Variants in CRB1 observed in about 807,000 individuals in gnomAD.
The protein encoded by CRB1 is protein crumbs homolog 1.
In CRB1, 83 loss-of-function variants were observed where a neutral mutation model predicts 120.0. That is an observed-to-expected ratio of 0.69 (90% CI 0.58 to 0.83). The LOEUF is 0.83. Ranked by LOEUF, CRB1 falls within the 40% of genes least tolerant of loss-of-function variation. The pLI is 0.00. For synonymous variants in CRB1, 625 were observed against 612.5 expected, an observed-to-expected ratio of 1.02 and a Z score of -0.30; for missense variants, 1,699 against 1,687.6, an observed-to-expected ratio of 1.01 and a Z score of -0.12.
At chr1:197,470,496 G>A (rs1666935716) in intron 11 of CRB1, among the ~76,000 whole-genome samples, 1 of 152,186 alleles carries the variant, frequency 6.6e-6, no homozygotes, top group South Asian at 2.1e-4. Context: ...AATTTACAAA[G>A]CATAATGAAA....
chr1:197,328,470 A>G lies in CRB1; in HGVS notation c.119A>G (p.Gln40Arg), dbSNP rs761295842. 2 of 1,614,224 alleles carry G rather than the reference A, an allele frequency of 1.2e-6. No individual in the cohort carries two copies. Among genetic ancestry groups the G allele is most frequent in the South Asian group, 1.1e-5 (1 of 91,080 alleles). The change falls in exon 2 of 12, where the codon CAA becomes CGA. Residue 40 changes from glutamine (Q) to arginine (R), a missense_variant. By Grantham distance (43) the Gln-to-Arg change is conservative. Coordinates refer to ENST00000367400, the MANE Select transcript of CRB1 (RefSeq NM_201253.3). ...NNTRCLSNSC[Q>R]NNSTCKDFSK... ...ACCAGGTGCCTCTCAAATTCTTGCC[A>G]AAACAATTCTACATGCAAAGATTTT...
chr1:197,285,753 G>A lies in CRB1; in HGVS notation c.70+17271G>A, dbSNP rs74799205. ...AGTGGAGCACAGGTGGATGACTCAG[G>A]AGACTAAGCTCCTTCTCCCATATTT... On this transcript the variant is annotated intron_variant, in intron 1 of 11. Transcript: ENST00000367400. Among the ~76,000 whole-genome samples, 160 of 152,016 alleles carry A rather than the reference G, an allele frequency of 1.1e-3. 2 individuals are homozygous for A. The East Asian group carries it at 0.022, about 21-fold the overall frequency.
At chr1:197,233,320 A>G in the CRB1 span, among the ~76,000 whole-genome samples, 1 of 152,206 alleles carries the variant, frequency 6.6e-6, no homozygotes. Flanking sequence ...CCTAATTGCA[A>G]TTGCCATACC....
chr1:197,389,507 A>C lies in CRB1; in HGVS notation c.1172-31493A>C, dbSNP rs537877027. ...AGTAGTTAATTTCATAGAGTCAGAA[A>C]TTAGAATGGCGACTGCCAGGGGCTG... On this transcript the variant is annotated intron_variant, in intron 5 of 11. Coordinates refer to ENST00000367400, the MANE Select transcript of CRB1 (RefSeq NM_201253.3). Among the ~76,000 whole-genome samples, 40 of 152,260 alleles carry C rather than the reference A, an allele frequency of 2.6e-4. 1 individual carries two copies. The Middle Eastern group carries it at 0.01, about 39-fold the overall frequency.
chr1:197,463,368 C>A (rs1043355628), intron 11 of CRB1, among the ~76,000 whole-genome samples: 1 of 152,038 alleles, frequency 6.6e-6, no homozygotes, highest in South Asian at 2.1e-4. Context: ...CCAAAAAAAA[C>A]AAAACACACA....
chr1:197,265,286 T>G (rs1479084961), upstream of CRB1, among the ~76,000 whole-genome samples: 1 of 151,940 alleles, frequency 6.6e-6, no homozygotes, highest in Non-Finnish European at 1.5e-5. Context: ...TTCCCTTCCT[T>G]CCTCTCTCCT....
At chr1:197,286,359 G>A (rs559452753) in intron 1 of CRB1, among the ~76,000 whole-genome samples, 9 of 151,860 alleles carry the variant, frequency 5.9e-5, no homozygotes, top group East Asian at 2.0e-4. Context: ...TTAAAATAGC[G>A]CACAATTATT....
intron 1 of CRB1, among the ~76,000 whole-genome samples, chr1:197,300,607 A>G (rs776365952): frequency 3.3e-5 from 5 of 150,510 alleles, no homozygotes; most frequent in Non-Finnish European, 4.4e-5. Flanking sequence ...ATAACATAAG[A>G]GTGCAAGGTG....
intron 1 of CRB1, among the ~76,000 whole-genome samples, chr1:197,290,867 T>A (rs1764620): frequency 0.019 from 2,833 of 151,966 alleles, 98 homozygotes; most frequent in African/African-American, 0.065. Flanking sequence ...ACAATTTCCA[T>A]GCTTTTGCAG....
At chr1:197,405,632 G>A (rs113605888) in intron 5 of CRB1, among the ~76,000 whole-genome samples, 38,912 of 149,868 alleles carry the variant, frequency 0.26, 5,267 homozygotes, top group Middle Eastern at 0.38. Context: ...AGGAAGTGAG[G>A]AGTGTCTCTG....
the CRB1 span, among the ~76,000 whole-genome samples, chr1:197,217,394 T>C: frequency 6.6e-6 from 1 of 152,158 alleles, no homozygotes; most frequent in Non-Finnish European, 1.5e-5. Context: ...GTATTATTCA[T>C]AGCAGCCTCA....
At chr1:197,346,857 A>G (rs950995084) in intron 3 of CRB1, among the ~76,000 whole-genome samples, 4 of 152,234 alleles carry the variant, frequency 2.6e-5, no homozygotes, top group African/African-American at 7.2e-5. Flanking sequence ...TGAGTTTTTC[A>G]TAATTTATGG....
At chr1:197,228,190 C>T in the CRB1 span, among the ~76,000 whole-genome samples, 1 of 152,210 alleles carries the variant, frequency 6.6e-6, no homozygotes, top group Non-Finnish European at 1.5e-5. Flanking sequence ...ACATTTGGCT[C>T]CTTGTTACTT....
At chr1:197,235,600 A>G in the CRB1 span, among the ~76,000 whole-genome samples, 10 of 152,190 alleles carry the variant, frequency 6.6e-5, no homozygotes, top group East Asian at 5.8e-4. Flanking sequence ...TTAATCAGCC[A>G]TCAGCGAAAC....
At chr1:197,405,149 C>T (rs1415505660) in intron 5 of CRB1, among the ~76,000 whole-genome samples, 1 of 152,102 alleles carries the variant, frequency 6.6e-6, no homozygotes, top group Non-Finnish European at 1.5e-5. Context: ...TGTACTGCTG[C>T]CATCTCGGCT....
intron 4 of CRB1, among the ~76,000 whole-genome samples, chr1:197,354,454 T>C (rs1238107241): frequency 1.3e-5 from 2 of 152,164 alleles, no homozygotes; most frequent in Non-Finnish European, 2.9e-5. Context: ...CTGTTCTTTC[T>C]GATGTTCGGA....
intron 4 of CRB1, among the ~76,000 whole-genome samples, chr1:197,350,025 G>C (rs989367307): frequency 2.0e-5 from 3 of 151,478 alleles, no homozygotes; most frequent in Non-Finnish European, 4.4e-5. Flanking sequence ...GCGTGAACCC[G>C]GGAAGCGGAG....
At chr1:197,385,831 C>A (rs1255284077) in intron 5 of CRB1, among the ~76,000 whole-genome samples, 1 of 151,564 alleles carries the variant, frequency 6.6e-6, no homozygotes, top group Non-Finnish European at 1.5e-5. Context: ...TTTTTAATGA[C>A]CCAAAAATGA....
chr1:197,211,921 ACT>A, the CRB1 span, among the ~76,000 whole-genome samples: 1 of 152,118 alleles, frequency 6.6e-6, no homozygotes, highest in Non-Finnish European at 1.5e-5. Context: ...TATAAAAAGA[ACT>A]CTTAACTAAT....
Sources: gnomAD v4.1 joint callset for allele counts (sites outside exome capture counted in the v4.1 genomes callset) on GRCh38, gnomAD v4.1.1 for gene constraint, MANE v1.5 for transcripts, NCBI Gene and HGNC (gene_info 2026-07-23, HGNC 2026-07-21) for gene names.